STK4: variants seen among roughly 807,000 people sequenced by gnomAD.
The protein encoded by STK4 is serine/threonine kinase 4, also known as serine/threonine-protein kinase 4.
Under a neutral mutation model 64.9 loss-of-function variants are expected in STK4, and 30 were observed. That is an observed-to-expected ratio of 0.46 (90% CI 0.35 to 0.63). STK4 has a LOEUF of 0.63. Among genes scored for constraint, STK4 ranks in the 20% least tolerant of loss-of-function variants. The pLI, the probability that STK4 is intolerant of heterozygous loss-of-function variation, is 0.01. For synonymous variants in STK4, 177 were observed against 199.0 expected (o/e 0.89, Z 0.93); for missense variants, 466 against 598.5 (o/e 0.78, Z 2.31).
chr20:45,022,066 T>TA lies in STK4; in HGVS notation c.1148-2906dup, dbSNP rs397865084. Reference sequence around the variant, plus strand: ...ATAGGGATTACTTTCCATTTTTTTTTATTGTGGTAAAATATACATAACATA... The same window carrying TA: ...ATAGGGATTACTTTCCATTTTTTTTTAATTGTGGTAAAATATACATAACATA... On this transcript the variant is annotated intron_variant, in intron 9 of 10. Transcript: ENST00000372806. 3.3e-5 allele frequency among the ~76,000 whole-genome samples: 5 copies of TA among 152,254 alleles called. No homozygotes were observed. In the East Asian group the frequency reaches 5.8e-4, roughly 18 times the overall value.
At chr20:44,978,631 A>G (rs1353856700) in intron 3 of STK4, 60 bp downstream of exon 3, 7 of 1,570,600 alleles carry the variant, frequency 4.5e-6, no homozygotes, top group Non-Finnish European at 6.1e-6. Context: ...ATGATTGTGT[A>G]GAGTTTGATA....
At position 45,076,505 on chromosome 20, in the gene STK4, C is replaced by G. The variant is rs373746200; in HGVS notation, c.*1329C>G. ...GGAACCTTGCTAACAGAAACTTGCT[C>G]TTGCCTTGGCTCTTCAGTAGATGAC... is the stretch of plus-strand genomic sequence containing the variant. On this transcript the variant is annotated 3_prime_UTR_variant, in exon 11 of 11. Coordinates refer to ENST00000372806, the MANE Select transcript of STK4 (RefSeq NM_006282.5). The surrounding 1 kb of genome is among the most constrained non-coding windows in gnomAD (Gnocchi z 4.0). 7.8e-4 allele frequency: 119 copies of G among 152,332 alleles called. No homozygotes were observed. The highest frequency in any genetic ancestry group is 2.7e-3 in the African/African-American group (111 of 41,556). The allele number at this position is 152,332 out of a possible 1,614,324, so 9.4% of individuals were successfully genotyped here. A position where few individuals can be genotyped will look rare whatever the true frequency, so the allele number is the denominator to read the frequency against.
intron 10 of STK4, among the ~76,000 whole-genome samples, chr20:45,061,540 T>C (rs2145461125): frequency 6.6e-6 from 1 of 152,232 alleles, no homozygotes; most frequent in South Asian, 2.1e-4. Context: ...AAGACTGTTG[T>C]GGTATTGGTA....
In STK4 at chr20:45,060,302, G is replaced by A. The variant is rs118138040; in HGVS notation, c.1306-14716G>A. ...GACTAATGAGCTCATAAGTCTTTTC[G>A]TTTATTTAACCTAATTTGATTAGTT... On this transcript the variant is annotated intron_variant, in intron 10 of 10. Transcript: ENST00000372806. Among the ~76,000 whole-genome samples, 304 of 152,240 alleles carry A rather than the reference G, an allele frequency of 2.0e-3. 11 individuals carry two copies. The East Asian group carries it at 0.048, about 24-fold the overall frequency.
intron 3 of STK4, among the ~76,000 whole-genome samples, chr20:44,981,052 T>C (rs2067429450): frequency 6.6e-6 from 1 of 152,182 alleles, no homozygotes. Flanking sequence ...TTTTGTAGCC[T>C]GCTTTTTTGT....
At chr20:44,984,196 T>G (rs2067490377) in intron 4 of STK4, among the ~76,000 whole-genome samples, 1 of 135,442 alleles carries the variant, frequency 7.4e-6, no homozygotes. Flanking sequence ...GTTTTTTTTT[T>G]TTTTTTTTTT....
At chr20:44,984,402 C>T (rs2067495606) in intron 4 of STK4, among the ~76,000 whole-genome samples, 1 of 151,960 alleles carries the variant, frequency 6.6e-6, no homozygotes, top group Admixed American at 6.6e-5. Flanking sequence ...CGTGGTTTCA[C>T]CGTGTTAGCC....
rs1980705981 is a variant in STK4, at chr20:45,078,672, G to A, written c.*3496G>A. 1 of 151,958 alleles carries A rather than the reference G, an allele frequency of 6.6e-6. No individual in the cohort carries two copies. Among genetic ancestry groups the A allele is most frequent in the African/African-American group, 2.4e-5 (1 of 41,366 alleles). 9.4% of individuals were successfully genotyped at this position (151,958 alleles called of 1,614,324 possible). ...GGGTAGGAGGATGCATGGATGAGTG[G>A]ATGAGTGGATCGATGGATGTATTGA... On this transcript the variant is annotated 3_prime_UTR_variant, in exon 11 of 11. Coordinates refer to ENST00000372806, the MANE Select transcript of STK4 (RefSeq NM_006282.5).
chr20:44,990,785 G>A (rs1206428077), intron 5 of STK4, among the ~76,000 whole-genome samples: 1 of 152,210 alleles, frequency 6.6e-6, no homozygotes, highest in Non-Finnish European at 1.5e-5. Context: ...CTTGATGGGA[G>A]AGGAAGGTTT....
rs1339125457 is a variant in STK4, at chr20:45,041,387, AC to A, written c.1305+16258del. On this transcript the variant is annotated intron_variant, in intron 10 of 10. Coordinates refer to ENST00000372806, the MANE Select transcript of STK4 (RefSeq NM_006282.5). ...GAGATAACAGTAGTGTCCTGTCCAT[AC>A]TTTTCTCTGTTTGTTTTTTGTTAAT... 2.0e-5 allele frequency among the ~76,000 whole-genome samples: 3 copies of A among 152,042 alleles called. No homozygotes were observed. The East Asian group carries it at 5.8e-4, about 29-fold the overall frequency.
chr20:45,005,468 A>T (rs2067921415), intron 9 of STK4, among the ~76,000 whole-genome samples: 1 of 151,670 alleles, frequency 6.6e-6, no homozygotes, highest in African/African-American at 2.4e-5. Context: ...ACATGGTGAA[A>T]CCCCGTCTCT....
intron 10 of STK4, among the ~76,000 whole-genome samples, chr20:45,070,680 G>A (rs1000528439): frequency 6.6e-6 from 1 of 152,150 alleles, no homozygotes; most frequent in African/African-American, 2.4e-5. Context: ...GAGGTCAGGA[G>A]TTTGAGACCA....
intron 9 of STK4, among the ~76,000 whole-genome samples, chr20:45,023,649 T>G (rs1210387452): frequency 6.6e-6 from 1 of 152,184 alleles, no homozygotes; most frequent in Non-Finnish European, 1.5e-5. Flanking sequence ...GCTAGTTTGA[T>G]TTTTAAATCA....
intron 9 of STK4, among the ~76,000 whole-genome samples, chr20:45,018,876 C>T (rs1600483350): frequency 1.3e-5 from 2 of 151,794 alleles, no homozygotes; most frequent in East Asian, 3.9e-4. Flanking sequence ...TACAGGTGTG[C>T]ACCACTATGC....
At chr20:45,045,210 A>C (rs1482279399) in intron 10 of STK4, among the ~76,000 whole-genome samples, 1 of 152,216 alleles carries the variant, frequency 6.6e-6, no homozygotes, top group East Asian at 1.9e-4. Flanking sequence ...CATTTAATAT[A>C]GTTAAAGATG....
chr20:45,001,542 A>G lies in STK4; in HGVS notation c.1147+189A>G, dbSNP rs2067842246. Reference sequence around the variant, plus strand: ...AGGGGGAAAGCTGGCCTGTGGAGTCAAAGTCAAGAAAGCATCAACAGTGAG... The same window carrying G: ...AGGGGGAAAGCTGGCCTGTGGAGTCGAAGTCAAGAAAGCATCAACAGTGAG... On this transcript the variant is annotated intron_variant, in intron 9 of 10. Coordinates refer to ENST00000372806, the MANE Select transcript of STK4 (RefSeq NM_006282.5). Among the ~76,000 whole-genome samples the G allele has an allele frequency of 2.0e-5, 3 of 152,324 alleles. No individual in the cohort carries two copies. The South Asian group carries it at 6.2e-4, about 32-fold the overall frequency.
intron 1 of STK4, among the ~76,000 whole-genome samples, chr20:44,970,168 A>G (rs1427903082): frequency 6.6e-6 from 1 of 152,110 alleles, no homozygotes; most frequent in Non-Finnish European, 1.5e-5. Context: ...AGCATGGCAC[A>G]TGTATACATA....
chr20:45,075,251 T>C lies in STK4; in HGVS notation c.*75T>C, dbSNP rs1980423156. Reference sequence around the variant, plus strand: ...TCTGGATGGCTTGCCTCATGTTTGTTAGCCAGCACTTCTGCTCTGTCGTCT... The same window carrying C: ...TCTGGATGGCTTGCCTCATGTTTGTCAGCCAGCACTTCTGCTCTGTCGTCT... On this transcript the variant is annotated 3_prime_UTR_variant, in exon 11 of 11. Coordinates refer to ENST00000372806, the MANE Select transcript of STK4 (RefSeq NM_006282.5). 1.9e-6 allele frequency: 3 copies of C among 1,550,484 alleles called. No homozygotes were observed. In the South Asian group the frequency reaches 3.5e-5, roughly 18 times the overall value.
chr20:44,981,057 TTTTG>T (rs751551302), intron 3 of STK4, among the ~76,000 whole-genome samples: 113 of 152,276 alleles, frequency 7.4e-4, no homozygotes, highest in Admixed American at 2.0e-3. Flanking sequence ...TAGCCTGCTT[TTTTG>T]TTTGTTTGTT....
Sources: gnomAD v4.1 joint callset for allele counts (sites outside exome capture counted in the v4.1 genomes callset) on GRCh38, gnomAD v4.1.1 for gene constraint, Gnocchi (gnomAD v3.1) non-coding constraint, MANE v1.5 for transcripts, NCBI Gene and HGNC (gene_info 2026-07-23, HGNC 2026-07-21) for gene names.